RBM47: variants seen among roughly 807,000 people sequenced by gnomAD.
RBM47 encodes the protein RNA binding motif protein 47, also known as RNA-binding protein 47.
In RBM47, 21 loss-of-function variants were observed where a neutral mutation model predicts 47.1. That is an observed-to-expected ratio of 0.45 (90% CI 0.32 to 0.64). RBM47 has a LOEUF of 0.64. Ranked by LOEUF, RBM47 falls within the 30% of genes least tolerant of loss-of-function variation. RBM47 has a pLI of 0.05. For synonymous variants in RBM47, 375 were observed against 361.7 expected, an observed-to-expected ratio of 1.04 and a Z score of -0.42; for missense variants, 708 against 870.9, an observed-to-expected ratio of 0.81 and a Z score of 2.35.
At chr4:40,476,358 CTG>C (rs1169156853) in intron 2 of RBM47, among the ~76,000 whole-genome samples, 1 of 151,868 alleles carries the variant, frequency 6.6e-6, no homozygotes, top group African/African-American at 2.4e-5. Flanking sequence ...GTCTAAAAGA[CTG>C]TCAACAATCA....
chr4:40,614,678 A>G (rs920767363), intron 1 of RBM47, among the ~76,000 whole-genome samples: 1 of 152,044 alleles, frequency 6.6e-6, no homozygotes, highest in African/African-American at 2.4e-5. Flanking sequence ...CTACAAAAAA[A>G]AAAAAAATTA....
intron 2 of RBM47, among the ~76,000 whole-genome samples, chr4:40,518,158 C>CTTTTT (rs530465415): frequency 7.4e-4 from 52 of 70,696 alleles, no homozygotes; most frequent in South Asian, 1.4e-3. Context: ...CTTTTCTTTT[C>CTTTTT]TTTTTTTTTT....
chr4:40,513,633 T>C (rs1330524374), intron 2 of RBM47, among the ~76,000 whole-genome samples: 2 of 152,152 alleles, frequency 1.3e-5, no homozygotes, highest in Non-Finnish European at 2.9e-5. Flanking sequence ...TCCTAAACCA[T>C]GACCAGTATA....
At position 40,438,944 on chromosome 4, in the gene RBM47, CGT is replaced by C. The variant is rs1467481273; in HGVS notation, c.-31-22_-31-21del. 5.4e-6 allele frequency: 8 copies of C among 1,477,264 alleles called. No homozygotes were observed. The highest frequency in any genetic ancestry group is 7.2e-6 in the Non-Finnish European group (8 of 1,115,082). 91.5% of individuals were successfully genotyped at this position (1,477,264 alleles called of 1,614,324 possible). The stretch of plus-strand genomic sequence containing the variant: ...GGAAACCTGGGGAAGCAGAAAGAAG[CGT>C]GAGTGGGGAACCGCTGGATCTTGCC... On this transcript the variant is annotated intron_variant, in intron 3 of 6. Coordinates refer to ENST00000295971, the MANE Select transcript of RBM47 (RefSeq NM_001098634.2).
chr4:40,596,135 G>A (rs926076577), intron 1 of RBM47, among the ~76,000 whole-genome samples: 1 of 152,226 alleles, frequency 6.6e-6, no homozygotes, highest in African/African-American at 2.4e-5. Flanking sequence ...GAGCAGGGAC[G>A]TGACTATCCT....
chr4:40,575,500 C>T (rs1027042563), intron 1 of RBM47, among the ~76,000 whole-genome samples: 4 of 143,434 alleles, frequency 2.8e-5, no homozygotes, highest in Non-Finnish European at 4.5e-5. Context: ...TGCGGTGAGT[C>T]GAGATCGTGC....
chr4:40,533,898 C>T (rs1727652999), intron 2 of RBM47, among the ~76,000 whole-genome samples: 1 of 151,858 alleles, frequency 6.6e-6, no homozygotes, highest in African/African-American at 2.4e-5. Context: ...TCACCACAAC[C>T]TCTGCCTTCC....
chr4:40,449,426 A>G (rs564815193), intron 3 of RBM47, among the ~76,000 whole-genome samples: 3 of 152,326 alleles, frequency 2.0e-5, no homozygotes, highest in Admixed American at 1.3e-4. Flanking sequence ...ATGATTGTAC[A>G]GATTTTGTTA....
At chr4:40,571,815 T>C (rs1472711514) in intron 1 of RBM47, among the ~76,000 whole-genome samples, 2 of 151,422 alleles carry the variant, frequency 1.3e-5, no homozygotes, top group Admixed American at 6.6e-5. Context: ...GGTCAGGAGT[T>C]AGAGAACAGC....
At chr4:40,578,359 G>A (rs1479906402) in intron 1 of RBM47, among the ~76,000 whole-genome samples, 1 of 152,122 alleles carries the variant, frequency 6.6e-6, no homozygotes, top group Non-Finnish European at 1.5e-5. Flanking sequence ...CTTCTGCTCG[G>A]CTGACTGGAA....
intron 6 of RBM47, among the ~76,000 whole-genome samples, chr4:40,429,927 G>A (rs1253385161): frequency 1.3e-5 from 2 of 151,966 alleles, no homozygotes; most frequent in African/African-American, 4.8e-5. Flanking sequence ...GGGCGCGGTG[G>A]CTCACGCCTG....
rs191807181 is a variant in RBM47, at chr4:40,445,191, G to A, written c.-31-6267C>T. 5.9e-3 allele frequency among the ~76,000 whole-genome samples: 894 copies of A among 151,372 alleles called. 12 individuals carry two copies. The highest frequency in any genetic ancestry group is 0.021 in the African/African-American group (847 of 41,244). On this transcript the variant is annotated intron_variant, in intron 3 of 6. Coordinates refer to ENST00000295971, the MANE Select transcript of RBM47 (RefSeq NM_001098634.2). ...GGGGAGGCTGAGGCAGGAGAATGGC[G>A]TGAGCCCGAGAGTCGGAGCTTGCAG...
At chr4:40,447,608 C>T (rs778709793) in intron 3 of RBM47, among the ~76,000 whole-genome samples, 5 of 152,204 alleles carry the variant, frequency 3.3e-5, no homozygotes, top group Non-Finnish European at 7.3e-5. Flanking sequence ...GTCCGCTGCA[C>T]TGGCTCAGGC....
intron 3 of RBM47, among the ~76,000 whole-genome samples, chr4:40,449,924 C>G (rs891743542): frequency 6.6e-6 from 1 of 152,042 alleles, no homozygotes; most frequent in Non-Finnish European, 1.5e-5. Context: ...TCAAATGATC[C>G]GCCTGCCTTG....
chr4:40,432,950 T>C, intron 5 of RBM47, 88 bp from the exon 6 acceptor site: 3 of 1,495,710 alleles, frequency 2.0e-6, no homozygotes, highest in Non-Finnish European at 2.7e-6. Context: ...TTTTTTATTT[T>C]TATTTTTTTA....
intron 1 of RBM47, among the ~76,000 whole-genome samples, chr4:40,582,328 G>A (rs1206535736): frequency 1.3e-5 from 2 of 152,170 alleles, no homozygotes; most frequent in African/African-American, 2.4e-5. Context: ...GAGGTCAGGA[G>A]TTCAAGACCA....
At chr4:40,529,515 CAAAAAAA>C (rs56381747) in intron 2 of RBM47, among the ~76,000 whole-genome samples, 8 of 18,332 alleles carry the variant, frequency 4.4e-4, no homozygotes, top group Non-Finnish European at 4.2e-4. Flanking sequence ...GACTCTGTCA[CAAAAAAA>C]AAAAAAAAAA....
At chr4:40,516,253 TTTTC>T (rs34594357) in intron 2 of RBM47, among the ~76,000 whole-genome samples, 3 of 145,486 alleles carry the variant, frequency 2.1e-5, no homozygotes, top group Middle Eastern at 3.6e-3. Flanking sequence ...TCTCTTTTTC[TTTTC>T]TTTCTTTTTT....
At chr4:40,434,002 GGTGTGT>G (rs1166329290) in intron 5 of RBM47, among the ~76,000 whole-genome samples, 1,204 of 45,690 alleles carry the variant, frequency 0.026, 186 homozygotes, top group African/African-American at 0.056. Flanking sequence ...GTGGGGCGGG[GGTGTGT>G]GTGTGTGTGT....
Sources: gnomAD v4.1 joint callset for allele counts (sites outside exome capture counted in the v4.1 genomes callset) on GRCh38, gnomAD v4.1.1 for gene constraint, MANE v1.5 for transcripts, NCBI Gene and HGNC (gene_info 2026-07-23, HGNC 2026-07-21) for gene names.